Variants in LRP1B observed in about 807,000 individuals in gnomAD.
The protein encoded by LRP1B is LDL receptor related protein 1B.
A neutral mutation model predicts 556.6 loss-of-function variants in LRP1B; 217 were observed. That is an observed-to-expected ratio of 0.39 (90% CI 0.35 to 0.44). The LOEUF (loss-of-function observed/expected upper bound fraction) is 0.44. LRP1B is among the 20% of genes least tolerant of loss of function. LRP1B has a pLI of 1.00. For synonymous variants in LRP1B, 2,047 were observed against 1,865.8 expected, an observed-to-expected ratio of 1.10 and a Z score of -2.50; for missense variants, 5,053 against 5,620.8, an observed-to-expected ratio of 0.90 and a Z score of 3.23.
chr2:141,048,723 A>G (rs1360704182), intron 11 of LRP1B, among the ~76,000 whole-genome samples: 2 of 152,120 alleles, frequency 1.3e-5, no homozygotes, highest in Non-Finnish European at 2.9e-5. Context: ...TTCCCAGAAG[A>G]TGGATAATAG....
chr2:140,797,693 A>G (rs1345532797), intron 32 of LRP1B, among the ~76,000 whole-genome samples: 1 of 152,146 alleles, frequency 6.6e-6, no homozygotes, highest in African/African-American at 2.4e-5. Flanking sequence ...ATTTCAGTAT[A>G]ATACTTTAAT....
rs142554952 is a variant in LRP1B, at chr2:141,852,738, G to A, written c.83-42337C>T. On this transcript the variant is annotated intron_variant, in intron 1 of 90. Transcript: ENST00000389484. ...TTGATCCAGCTAGCTAGCAAGCCATGAAGTAAAAATTAAATAAAGCTGAAC... is the reference window on the plus strand; with the variant it reads ...TTGATCCAGCTAGCTAGCAAGCCATAAAGTAAAAATTAAATAAAGCTGAAC... Among the ~76,000 whole-genome samples the A allele has an allele frequency of 1.3e-3, 200 of 151,678 alleles. 4 individuals are homozygous for A. In the East Asian group the frequency reaches 0.03, roughly 23 times the overall value.
chr2:140,633,058 G>C (rs1052744956), intron 41 of LRP1B, among the ~76,000 whole-genome samples: 5 of 142,926 alleles, frequency 3.5e-5, no homozygotes, highest in Admixed American at 7.3e-5. Context: ...ATGAGATTCA[G>C]TCTCAAAAAA....
At chr2:140,774,985 T>C (rs1018680118) in intron 33 of LRP1B, among the ~76,000 whole-genome samples, 2 of 152,198 alleles carry the variant, frequency 1.3e-5, no homozygotes, top group Admixed American at 6.5e-5. Flanking sequence ...TGTGAATCTA[T>C]GAACATTCAT....
chr2:140,284,310 A>C (rs201276730), intron 84 of LRP1B, among the ~76,000 whole-genome samples: 30,358 of 108,748 alleles, frequency 0.28, 3,270 homozygotes, highest in Admixed American at 0.39. Context: ...CTCCCCCCCA[A>C]AAAAAAACCG....
chr2:140,573,963 A>G (rs944116808), intron 43 of LRP1B, among the ~76,000 whole-genome samples: 1 of 152,092 alleles, frequency 6.6e-6, no homozygotes, highest in Non-Finnish European at 1.5e-5. Context: ...TATGGCCTAT[A>G]AATAAGATCT....
chr2:141,036,755 A>G (rs1698543804), intron 11 of LRP1B, among the ~76,000 whole-genome samples: 1 of 152,094 alleles, frequency 6.6e-6, no homozygotes, highest in South Asian at 2.1e-4. Flanking sequence ...CACTGGTCCC[A>G]GACAAAGGTA....
At chr2:141,647,586 A>T (rs1446271414) in intron 2 of LRP1B, among the ~76,000 whole-genome samples, 1 of 152,166 alleles carries the variant, frequency 6.6e-6, no homozygotes, top group Non-Finnish European at 1.5e-5. Context: ...CTCAACTTCT[A>T]TCTTCTAAGC....
intron 52 of LRP1B, among the ~76,000 whole-genome samples, chr2:140,507,755 G>A (rs1250305392): frequency 1.3e-5 from 2 of 152,144 alleles, no homozygotes; most frequent in Non-Finnish European, 2.9e-5. Context: ...TAGGACTCAA[G>A]GTTTGGGGTA....
Position 140,495,339 on chromosome 2 carries a change from T to C in LRP1B, c.9034+226A>G, listed in dbSNP as rs552491943. On this transcript the variant is annotated intron_variant, in intron 56 of 90. Transcript: ENST00000389484. ...TTTTTTTTTTTTTTTTTGTGGGCAC[T>C]CTCAAAATCTAGAAAACACTCAATA... Among the ~76,000 whole-genome samples, 446 of 149,724 alleles carry C rather than the reference T, an allele frequency of 3.0e-3. 2 individuals carry two copies. Among genetic ancestry groups the C allele is most frequent in the Non-Finnish European group, 2.8e-3 (190 of 67,518 alleles).
At chr2:140,438,251 T>C (rs936047091) in intron 66 of LRP1B, among the ~76,000 whole-genome samples, 1 of 152,182 alleles carries the variant, frequency 6.6e-6, no homozygotes, top group Non-Finnish European at 1.5e-5. Flanking sequence ...GCAATCTTCC[T>C]GCCTTGGCCT....
intron 1 of LRP1B, among the ~76,000 whole-genome samples, chr2:141,872,211 A>C (rs1477261487): frequency 6.6e-6 from 1 of 151,998 alleles, no homozygotes; most frequent in Non-Finnish European, 1.5e-5. Flanking sequence ...TAAAGAATAA[A>C]TATTCATGTA....
chr2:140,440,144 C>T (rs1686363151), intron 66 of LRP1B, among the ~76,000 whole-genome samples: 1 of 152,016 alleles, frequency 6.6e-6, no homozygotes, highest in African/African-American at 2.4e-5. Context: ...AATATTGGTG[C>T]TGAGAAGTAA....
rs1436221241 is a variant in LRP1B, at chr2:141,440,600, A to G, written c.343+39796T>C. Among the ~76,000 whole-genome samples the G allele has an allele frequency of 2.6e-5, 4 of 152,200 alleles. No homozygotes were observed. The South Asian group carries it at 6.2e-4, about 24-fold the overall frequency. The stretch of plus-strand genomic sequence containing the variant: ...TCTTTCAACCTAACATTGCTGTAAC[A>G]TTTACTTCTACTGTACAGTAGCTTT... On this transcript the variant is annotated intron_variant, in intron 3 of 90. Coordinates refer to ENST00000389484, the MANE Select transcript of LRP1B (RefSeq NM_018557.3).
chr2:140,634,705 G>A (rs1036989924), intron 41 of LRP1B, among the ~76,000 whole-genome samples: 4 of 151,908 alleles, frequency 2.6e-5, no homozygotes, highest in African/African-American at 7.2e-5. Context: ...CCTAGTCTTA[G>A]CATGAGAAAA....
intron 3 of LRP1B, among the ~76,000 whole-genome samples, chr2:141,345,011 T>C (rs1688193625): frequency 6.6e-6 from 1 of 152,132 alleles, no homozygotes; most frequent in African/African-American, 2.4e-5. Context: ...ATTATCCAAA[T>C]GGGCCCAATG....
chr2:140,601,314 A>G (rs1682663337), intron 42 of LRP1B, 136 bp downstream of exon 42: 1 of 810,270 alleles, frequency 1.2e-6, no homozygotes, highest in Admixed American at 3.3e-5. Flanking sequence ...ACATAAAAAA[A>G]AAAGTTTTAT....
At chr2:140,946,442 A>G (rs1055036055) in intron 20 of LRP1B, among the ~76,000 whole-genome samples, 2 of 152,074 alleles carry the variant, frequency 1.3e-5, no homozygotes, top group African/African-American at 2.4e-5. Context: ...TCTATTAAAT[A>G]TATGAAAATT....
At chr2:141,801,117 C>T (rs1695991906) in intron 2 of LRP1B, among the ~76,000 whole-genome samples, 1 of 151,940 alleles carries the variant, frequency 6.6e-6, no homozygotes, top group Non-Finnish European at 1.5e-5. Context: ...ACCCAATGAT[C>T]GATTCAGAAT....
Sources: allele counts gnomAD v4.1 joint callset (sites outside exome capture counted in the v4.1 genomes callset), GRCh38; gene constraint gnomAD v4.1.1; transcripts MANE v1.5; gene names NCBI Gene and HGNC (gene_info 2026-07-23, HGNC 2026-07-21).